STAU1: variants seen among roughly 807,000 people sequenced by gnomAD.
The protein encoded by STAU1 is staufen double-stranded RNA binding protein 1, also known as double-stranded RNA-binding protein Staufen homolog 1.
A neutral mutation model predicts 62.9 loss-of-function variants in STAU1; 13 were observed. The observed-to-expected ratio is 0.21, with a 90% CI of 0.13 to 0.33. STAU1 has a LOEUF of 0.33. Among genes scored for constraint, STAU1 ranks in the 10% least tolerant of loss-of-function variants. The pLI is 1.00. For synonymous variants in STAU1, 269 were observed against 265.1 expected (o/e 1.01, Z -0.14); for missense variants, 571 against 712.1 (o/e 0.80, Z 2.25).
At chr20:49,219,043 A>C in the STAU1 span, among the ~76,000 whole-genome samples, 5 of 151,820 alleles carry the variant, frequency 3.3e-5, no homozygotes, top group Non-Finnish European at 7.4e-5. Context: ...AAAAAGACAA[A>C]AAATTACTTA....
At chr20:49,187,477 T>C (rs1176293767) in intron 1 of STAU1, among the ~76,000 whole-genome samples, 1 of 152,128 alleles carries the variant, frequency 6.6e-6, no homozygotes, top group African/African-American at 2.4e-5. Context: ...GCCCATTAAA[T>C]TATACCTTCA....
chr20:49,176,195 C>T (rs1381976847), intron 1 of STAU1, among the ~76,000 whole-genome samples: 3 of 152,116 alleles, frequency 2.0e-5, no homozygotes, highest in African/African-American at 7.2e-5. Flanking sequence ...CCACTTTATT[C>T]GTAAATGTCG....
chr20:49,193,467 T>TA, the STAU1 span, among the ~76,000 whole-genome samples: 1 of 152,052 alleles, frequency 6.6e-6, no homozygotes, highest in African/African-American at 2.4e-5. Flanking sequence ...GGTCAAGAGA[T>TA]AGAGACCATC....
chr20:49,134,752 T>C, intron 6 of STAU1: 1 of 1,153,762 alleles, frequency 8.7e-7, no homozygotes, highest in African/African-American at 1.5e-5. Context: ...AAAGTCAAGG[T>C]GAGAAAGAAA....
chr20:49,154,631 C>T (rs542437763), intron 3 of STAU1, among the ~76,000 whole-genome samples: 1 of 152,072 alleles, frequency 6.6e-6, no homozygotes, highest in South Asian at 2.1e-4. Flanking sequence ...TTTGGGAGGC[C>T]AAGGCAGGAG....
chr20:49,204,838 C>G, the STAU1 span, among the ~76,000 whole-genome samples: 1 of 151,026 alleles, frequency 6.6e-6, no homozygotes, highest in East Asian at 1.9e-4. Context: ...TTAGTAGAGA[C>G]AGGGTTTTGC....
chr20:49,159,294 C>A, intron 3 of STAU1: 1 of 281,088 alleles, frequency 3.6e-6, no homozygotes, highest in African/African-American at 2.3e-5. Context: ...CAAAAGTATA[C>A]CACATCTCTT....
chr20:49,125,644 A>G (rs1332730518), intron 6 of STAU1, among the ~76,000 whole-genome samples: 1 of 151,894 alleles, frequency 6.6e-6, no homozygotes, highest in African/African-American at 2.4e-5. Context: ...CAGGAGATCG[A>G]GACCATCCTG....
chr20:49,120,042 G>A lies in STAU1; in HGVS notation c.1053C>T (p.Ile351=), dbSNP rs754762232. Reference sequence around the variant, plus strand: ...GCGCCTGCGGGACTTTGAAACCAAGGATCTCCAGCATGTTCTCGGCTGCAT... The same window carrying A: ...GCGCCTGCGGGACTTTGAAACCAAGAATCTCCAGCATGTTCTCGGCTGCAT... ...KRNAAENMLE[I]LGFKVPQAQP... Residue 351 remains isoleucine, a synonymous_variant, in exon 9 of 14, where the codon ATC becomes ATT. Coordinates refer to ENST00000371856, the MANE Select transcript of STAU1 (RefSeq NM_017453.4). 6.2e-7 allele frequency: 1 copy of A among 1,614,192 alleles called. No individual in the cohort carries two copies. Among genetic ancestry groups the A allele is most frequent in the African/African-American group, 1.3e-5 (1 of 75,050 alleles).
At position 49,124,378 on chromosome 20, in the gene STAU1, G is replaced by C. The variant is rs148268083; in HGVS notation, c.819C>G (p.Val273=). The C allele has an allele frequency of 2.7e-5, 44 of 1,613,618 alleles. No homozygotes were observed. Among genetic ancestry groups the C allele is most frequent in the African/African-American group, 6.7e-5 (5 of 74,814 alleles). ...PRIKKKTKPI[V]KPQTSPEYGQ... The stretch of plus-strand genomic sequence containing the variant: ...CTGTGTTCAGAAAAGTTCTCACCTT[G>C]ACTATGGGTTTTGTTTTCTTTTTGA... The change falls in exon 7 of 14, where the codon GTC becomes GTG. Residue 273 remains valine (V), a synonymous_variant. Transcript: ENST00000371856.
rs989465185 is a variant in STAU1 at position 49,117,169 on chromosome 20, A to T, written c.1589T>A (p.Ile530Asn). Residue 530 changes from isoleucine (I) to asparagine (N), a missense_variant, in exon 12 of 14, where the codon ATC (isoleucine) becomes AAC (asparagine). Transcript: ENST00000371856. The surrounding 1 kb of genome is among the most constrained non-coding windows in gnomAD (Gnocchi z 4.6). ...LINCSSQPPL[I>N]SHGIGKDVES... ...CACATCCTTGCCGATACCATGGCTG[A>T]TCAGAGGTGGCTGAGAGGAGCAATT... 1 of 1,614,186 alleles carries T rather than the reference A, an allele frequency of 6.2e-7. No homozygotes were observed. Among genetic ancestry groups the T allele is most frequent in the Non-Finnish European group, 8.5e-7 (1 of 1,180,018 alleles).
At chr20:49,196,794 A>G in the STAU1 span, among the ~76,000 whole-genome samples, 1 of 151,352 alleles carries the variant, frequency 6.6e-6, no homozygotes, top group Non-Finnish European at 1.5e-5. Flanking sequence ...GAAAAAAAAA[A>G]AAAAGAAACA....
At chr20:49,191,634 T>C (rs2093831417), upstream of STAU1, among the ~76,000 whole-genome samples, 1 of 152,218 alleles carries the variant, frequency 6.6e-6, no homozygotes, top group Non-Finnish European at 1.5e-5. Flanking sequence ...GTGGTATGTG[T>C]AGCACAGGAG....
chr20:49,118,500 G>A, intron 9 of STAU1, 92 bp from the exon 10 acceptor site: 1 of 1,007,388 alleles, frequency 9.9e-7, no homozygotes, highest in South Asian at 1.5e-5. Context: ...ACAAAGTCCA[G>A]TCAGCAATAA....
intron 1 of STAU1, among the ~76,000 whole-genome samples, chr20:49,187,773 A>G (rs1225217558): frequency 8.4e-4 from 17 of 20,310 alleles, no homozygotes; most frequent in Admixed American, 1.5e-3. Flanking sequence ...TGAAGCAGGG[A>G]CCCCCCCCCC....
intron 3 of STAU1, among the ~76,000 whole-genome samples, chr20:49,155,653 A>C (rs1000318738): frequency 3.3e-5 from 5 of 152,218 alleles, no homozygotes; most frequent in Non-Finnish European, 7.3e-5. Context: ...AATCAAATCT[A>C]TAAGAATATC....
the STAU1 span, among the ~76,000 whole-genome samples, chr20:49,203,361 G>T: frequency 1.3e-5 from 2 of 152,164 alleles, no homozygotes; most frequent in African/African-American, 4.8e-5. Flanking sequence ...GGAGGCAGAG[G>T]TTGCAGCGAA....
the STAU1 span, among the ~76,000 whole-genome samples, chr20:49,202,950 G>A: frequency 6.6e-6 from 1 of 151,920 alleles, no homozygotes; most frequent in Non-Finnish European, 1.5e-5. Context: ...GCTGAGGCAT[G>A]AGAATCGCTT....
the STAU1 span, among the ~76,000 whole-genome samples, chr20:49,196,444 CAAAAAA>C: frequency 1.1e-5 from 1 of 91,546 alleles, no homozygotes; most frequent in Non-Finnish European, 2.4e-5. Flanking sequence ...CAAAACAAAA[CAAAAAA>C]AAAAAAAAAA....
Sources: gnomAD v4.1 joint callset for allele counts (sites outside exome capture counted in the v4.1 genomes callset) on GRCh38, gnomAD v4.1.1 for gene constraint, Gnocchi (gnomAD v3.1) non-coding constraint, MANE v1.5 for transcripts, NCBI Gene and HGNC (gene_info 2026-07-23, HGNC 2026-07-21) for gene names.